The following SLC24A2 variants were observed in gnomAD, a reference collection of about 807,000 sequenced individuals.
SLC24A2 encodes the protein sodium/potassium/calcium exchanger 2.
In SLC24A2, 36 loss-of-function variants were observed where a neutral mutation model predicts 62.0. The observed-to-expected ratio is 0.58, with a 90% CI of 0.44 to 0.77. The LOEUF is 0.77. Among genes scored for constraint, SLC24A2 ranks in the 30% least tolerant of loss-of-function variants. SLC24A2 has a pLI of 0.00. For synonymous variants in SLC24A2, 358 were observed against 294.0 expected, an observed-to-expected ratio of 1.22 and a Z score of -2.23; for missense variants, 846 against 817.9, an observed-to-expected ratio of 1.03 and a Z score of -0.42.
the SLC24A2 span, among the ~76,000 whole-genome samples, chr9:20,031,306 TTC>T: frequency 6.8e-6 from 1 of 147,312 alleles, no homozygotes; most frequent in African/African-American, 2.5e-5. Flanking sequence ...TAAAATATAT[TTC>T]TCTTTTAAAG....
At chr9:20,232,462 G>C in the SLC24A2 span, among the ~76,000 whole-genome samples, 1 of 152,116 alleles carries the variant, frequency 6.6e-6, no homozygotes, top group African/African-American at 2.4e-5. Flanking sequence ...GTTTAGTCTT[G>C]GGAGGATGTA....
the SLC24A2 span, among the ~76,000 whole-genome samples, chr9:19,880,010 T>C: frequency 6.6e-6 from 1 of 152,018 alleles, no homozygotes; most frequent in South Asian, 2.1e-4. Flanking sequence ...AGTAAAAAAA[T>C]AACAAAATAA....
At chr9:19,946,195 A>G in the SLC24A2 span, among the ~76,000 whole-genome samples, 3 of 152,146 alleles carry the variant, frequency 2.0e-5, no homozygotes, top group African/African-American at 7.2e-5. Context: ...CTCACCCCCA[A>G]GGACTGCTGG....
At chr9:19,736,355 T>G (rs1821510024) in intron 2 of SLC24A2, among the ~76,000 whole-genome samples, 1 of 152,154 alleles carries the variant, frequency 6.6e-6, no homozygotes, top group African/African-American at 2.4e-5. Context: ...TAAATCTAAT[T>G]AACTGATTAT....
At chr9:20,051,176 G>A in the SLC24A2 span, among the ~76,000 whole-genome samples, 1 of 151,964 alleles carries the variant, frequency 6.6e-6, no homozygotes, top group Non-Finnish European at 1.5e-5. Flanking sequence ...ATATAAAAGA[G>A]TAGGAAAAGA....
chr9:20,165,273 T>C, the SLC24A2 span, among the ~76,000 whole-genome samples: 32 of 152,080 alleles, frequency 2.1e-4, no homozygotes, highest in African/African-American at 7.2e-4. Flanking sequence ...ATAAAAATGC[T>C]ACAAATTTTT....
rs1166875700 is a variant in SLC24A2 at position 19,513,188 on chromosome 9, ATATGTATATATT to A, written c.*2953_*2964del. 4.3e-5 allele frequency: 6 copies of A among 140,428 alleles called. No homozygotes were observed. The highest frequency in any genetic ancestry group is 1.4e-4 in the Admixed American group (2 of 13,916). 8.7% of individuals were successfully genotyped at this position (140,428 alleles called of 1,614,324 possible). A position where few individuals can be genotyped will look rare whatever the true frequency, so the allele number is the denominator to read the frequency against. Reference sequence around the variant, plus strand: ...TATATATATATATGTATATATATATATATGTATATATTTATATATGTATATACACAGGCATGC... The same window carrying A: ...TATATATATATATGTATATATATATATATATATGTATATACACAGGCATGC... On this transcript the variant is annotated 3_prime_UTR_variant, in exon 11 of 11. Transcript: ENST00000341998.
chr9:20,185,114 G>A, the SLC24A2 span, among the ~76,000 whole-genome samples: 1 of 152,002 alleles, frequency 6.6e-6, no homozygotes, highest in Non-Finnish European at 1.5e-5. Context: ...GGGAGATGTT[G>A]GTCAAAGGAT....
At chr9:20,027,753 G>A in the SLC24A2 span, among the ~76,000 whole-genome samples, 1 of 152,234 alleles carries the variant, frequency 6.6e-6, no homozygotes, top group East Asian at 1.9e-4. Flanking sequence ...AGTGACTACA[G>A]ATAATGACAA....
At chr9:19,604,511 A>G (rs921896722) in intron 4 of SLC24A2, among the ~76,000 whole-genome samples, 1 of 152,158 alleles carries the variant, frequency 6.6e-6, no homozygotes, top group African/African-American at 2.4e-5. Flanking sequence ...AGGCAAAGAG[A>G]ATCAGTGCTA....
At chr9:20,144,586 C>T in the SLC24A2 span, among the ~76,000 whole-genome samples, 1 of 152,116 alleles carries the variant, frequency 6.6e-6, no homozygotes, top group Non-Finnish European at 1.5e-5. Flanking sequence ...CAAAAACACA[C>T]ACAAATCAGA....
the SLC24A2 span, among the ~76,000 whole-genome samples, chr9:20,103,948 T>TA: frequency 1.3e-5 from 2 of 152,116 alleles, no homozygotes; most frequent in Non-Finnish European, 1.5e-5. Context: ...TTAAAAACTT[T>TA]AAAAAAAATT....
At chr9:19,658,222 G>A (rs552556005) in intron 2 of SLC24A2, among the ~76,000 whole-genome samples, 11 of 152,182 alleles carry the variant, frequency 7.2e-5, no homozygotes, top group East Asian at 1.9e-4. Context: ...GCCTATTTAC[G>A]TATTTGTATC....
chr9:20,074,657 G>C, the SLC24A2 span, among the ~76,000 whole-genome samples: 1 of 148,324 alleles, frequency 6.7e-6, no homozygotes, highest in Admixed American at 6.8e-5. Flanking sequence ...GTGAGGGGGA[G>C]GGGAACAGCT....
chr9:19,868,032 T>G, the SLC24A2 span, among the ~76,000 whole-genome samples: 1 of 152,028 alleles, frequency 6.6e-6, no homozygotes, highest in African/African-American at 2.4e-5. Flanking sequence ...CTGCTTGTTT[T>G]GGGTTTATTG....
chr9:19,550,039 ACTTC>A, intron 8 of SLC24A2, 94 bp downstream of exon 8: 1 of 1,211,420 alleles, frequency 8.3e-7, no homozygotes, highest in Non-Finnish European at 1.2e-6. Context: ...ATACAAGTGT[ACTTC>A]CTTTTTCCTT....
rs181223465 is a variant in SLC24A2, at chr9:19,749,943, C to T, written c.930+35994G>A. On this transcript the variant is annotated intron_variant, in intron 2 of 10. Transcript: ENST00000341998. ...CCAAATTCTCCCACCTGGGATCACC[C>T]GTTGTGATCAAGTCCAGAGGAATAT... 6.6e-5 allele frequency among the ~76,000 whole-genome samples: 10 copies of T among 152,232 alleles called. No individual in the cohort carries two copies. In the East Asian group the frequency reaches 1.4e-3, roughly 21 times the overall value.
Position 19,514,338 on chromosome 9 carries a change from T to G in SLC24A2, c.*1815A>C, listed in dbSNP as rs191632251. The G allele has an allele frequency of 6.6e-6, 1 of 152,150 alleles. No homozygotes were observed. The highest frequency in any genetic ancestry group is 1.5e-5 in the Non-Finnish European group (1 of 68,042). The allele number at this position is 152,150 out of a possible 1,614,324, so 9.4% of individuals were successfully genotyped here. A position where few individuals can be genotyped will look rare whatever the true frequency, so the allele number is the denominator to read the frequency against. On this transcript the variant is annotated 3_prime_UTR_variant, in exon 11 of 11. Coordinates refer to ENST00000341998, the MANE Select transcript of SLC24A2 (RefSeq NM_020344.4). ...CGTCAATGACAGAATAGATTGGAGA[T>G]AGGAACACATATGGTGAAATTTCCC...
In SLC24A2 at chr9:19,515,111, C is replaced by T. The variant is rs547771946; in HGVS notation, c.*1042G>A. The T allele has an allele frequency of 1.9e-4, 29 of 152,184 alleles. No homozygotes were observed. The highest frequency in any genetic ancestry group is 7.8e-4 in the Admixed American group (12 of 15,288). 9.4% of individuals were successfully genotyped at this position (152,184 alleles called of 1,614,324 possible). A position where few individuals can be genotyped will look rare whatever the true frequency, so the allele number is the denominator to read the frequency against. On this transcript the variant is annotated 3_prime_UTR_variant, in exon 11 of 11. Transcript: ENST00000341998. ...ACATGACAATCACAGCTAAACTTAC[C>T]CCTCTTCTTTTGATGATAATGGGAC... is the stretch of plus-strand genomic sequence containing the variant.
Sources: gnomAD v4.1 joint callset for allele counts (sites outside exome capture counted in the v4.1 genomes callset) on GRCh38, gnomAD v4.1.1 for gene constraint, MANE v1.5 for transcripts, NCBI Gene and HGNC (gene_info 2026-07-23, HGNC 2026-07-21) for gene names.